CYB5R3: variants seen among roughly 807,000 people sequenced by gnomAD.
The protein encoded by CYB5R3 is NADH-cytochrome b5 reductase 3.
In CYB5R3, 28 loss-of-function variants were observed where a neutral mutation model predicts 36.5. The observed-to-expected ratio is 0.77, with a 90% CI of 0.57 to 1.05. The LOEUF is 1.05. CYB5R3 is among the 50% of genes least tolerant of loss of function. The pLI is 0.00. For synonymous variants in CYB5R3, 181 were observed against 159.8 expected (o/e 1.13, Z -1.00); for missense variants, 474 against 408.9 (o/e 1.16, Z -1.37).
intron 3 of CYB5R3, 85 bp downstream of exon 3, chr22:42,631,293 T>A: frequency 7.3e-7 from 1 of 1,362,134 alleles, no homozygotes. Flanking sequence ...CTCTCCCTGG[T>A]GGAAATGTAA....
intron 1 of CYB5R3, among the ~76,000 whole-genome samples, chr22:42,646,423 T>C (rs1929540605): frequency 6.6e-6 from 1 of 152,108 alleles, no homozygotes. Flanking sequence ...GCACCATAGC[T>C]GAGGGGCTGC....
intron 1 of CYB5R3, among the ~76,000 whole-genome samples, chr22:42,641,738 G>A (rs981126237): frequency 6.6e-6 from 1 of 152,008 alleles, no homozygotes; most frequent in Non-Finnish European, 1.5e-5. Flanking sequence ...TGCCTGCCTT[G>A]GCCTCCCAAA....
intron 1 of CYB5R3, among the ~76,000 whole-genome samples, chr22:42,643,433 C>A (rs1420117873): frequency 6.7e-6 from 1 of 150,250 alleles, no homozygotes; most frequent in Non-Finnish European, 1.5e-5. Context: ...TCACACCAGG[C>A]CTGGCCCCCG....
chr22:42,639,652 C>T (rs1270385867), intron 1 of CYB5R3, among the ~76,000 whole-genome samples: 1 of 151,490 alleles, frequency 6.6e-6, no homozygotes, highest in Admixed American at 6.6e-5. Flanking sequence ...TTGAATAAGG[C>T]TTGTGGATTA....
intron 4 of CYB5R3, among the ~76,000 whole-genome samples, chr22:42,629,623 C>T (rs904106818): frequency 1.3e-5 from 2 of 152,194 alleles, no homozygotes; most frequent in Non-Finnish European, 2.9e-5. Flanking sequence ...CCAGTGCCTG[C>T]CCCCAGACCT....
intron 4 of CYB5R3, among the ~76,000 whole-genome samples, chr22:42,628,512 C>A (rs1378647348): frequency 6.6e-6 from 1 of 152,206 alleles, no homozygotes; most frequent in Non-Finnish European, 1.5e-5. Context: ...GGAAAGCAAA[C>A]CACCAGCCTC....
intron 4 of CYB5R3, among the ~76,000 whole-genome samples, chr22:42,628,584 G>A (rs1268027477): frequency 1.3e-5 from 2 of 152,114 alleles, no homozygotes; most frequent in East Asian, 1.9e-4. Context: ...TGTCTCTGGG[G>A]CCCCCTCCCA....
chr22:42,632,366 G>C (rs776519463), intron 2 of CYB5R3: 3 of 152,326 alleles, frequency 2.0e-5, no homozygotes, highest in Non-Finnish European at 1.5e-5. Flanking sequence ...ATCACTTAGA[G>C]GGGGACAACA....
chr22:42,636,739 G>T lies in CYB5R3; in HGVS notation c.129C>A (p.Tyr43Ter). 6.2e-7 allele frequency: 1 copy of T among 1,613,258 alleles called. No homozygotes were observed. The highest frequency in any genetic ancestry group is 8.5e-7 in the Non-Finnish European group (1 of 1,179,966). The change falls in exon 2 of 9, where the codon TAC (tyrosine) becomes TAA (stop). Residue 43 changes from tyrosine to a stop codon, truncating the protein, a stop_gained. Coordinates refer to ENST00000352397, the MANE Select transcript of CYB5R3 (RefSeq NM_000398.7). LOFTEE classifies it high-confidence loss of function. The part of the protein sequence containing the change: ...AITLESPDIK[Y>*]PLRLIDREII... The stretch of plus-strand genomic sequence containing the variant: ...CCTCCCGGTCGATGAGCCGCAGCGG[G>T]TACTTGATGTCCGGGCTCTCGAGGG...
intron 2 of CYB5R3, among the ~76,000 whole-genome samples, chr22:42,635,846 C>T (rs773570851): frequency 2.0e-5 from 3 of 152,134 alleles, no homozygotes; most frequent in Admixed American, 2.0e-4. Flanking sequence ...GGCAAGTGAC[C>T]GATGGAAGCA....
intron 4 of CYB5R3, 110 bp from the exon 5 acceptor site, chr22:42,628,391 C>T: frequency 7.1e-7 from 1 of 1,400,798 alleles, no homozygotes; most frequent in Admixed American, 1.7e-5. Context: ...GAGGCCCACA[C>T]ATGGCCTTCT....
rs1013871393 is a variant in CYB5R3 at position 42,649,323 on chromosome 22, C to T, written c.-8G>A. The T allele has an allele frequency of 2.0e-6, 2 of 1,016,436 alleles. No individual in the cohort carries two copies. The highest frequency in any genetic ancestry group is 3.5e-5 in the African/African-American group (2 of 57,478). 63.0% of individuals were successfully genotyped at this position (1,016,436 alleles called of 1,614,324 possible). On this transcript the variant is annotated 5_prime_UTR_variant, in exon 1 of 9. Transcript: ENST00000352397. ...GCTGAGCTGGGCCCCCATGGTGGCC[C>T]CGCGCCGCGCTCGCTCTGTCGCCGC...
intron 3 of CYB5R3, 179 bp from the exon 4 acceptor site, chr22:42,631,167 T>A: frequency 1.3e-6 from 1 of 751,364 alleles, no homozygotes. Context: ...CCTGCCTCCA[T>A]GCCTTCACTC....
At position 42,628,232 on chromosome 22, in the gene CYB5R3, G is replaced by C; in HGVS notation, c.383C>G (p.Ser128Cys). The change falls in exon 5 of 9, where the codon TCT (serine) becomes TGT (cysteine). Residue 128 changes from serine to cysteine, a missense_variant. Physicochemically the swap from Ser to Cys is moderately radical, Grantham distance 112 (BLOSUM62 -1). Transcript: ENST00000352397. ...AATCTGCATGCTCTCCAGGTACTGA[G>C]ACATCTTCCCTCCAGCGGGAAACTT... ...HPKFPAGGKMSQYLESMQIGD... is the reference protein window; with the variant it reads ...HPKFPAGGKMCQYLESMQIGD... The C allele has an allele frequency of 6.2e-7, 1 of 1,614,118 alleles. No individual in the cohort carries two copies.
Position 42,649,379 on chromosome 22 carries a change from GC to G in CYB5R3, c.-65del. 1.7e-6 allele frequency: 1 copy of G among 585,042 alleles called. No individual in the cohort carries two copies. The highest frequency in any genetic ancestry group is 2.2e-6 in the Non-Finnish European group (1 of 460,462). The allele number at this position is 585,042 out of a possible 1,614,324, so 36.2% of individuals were successfully genotyped here. ...CCGCCGCCGAGACCGTCGCGCCCGG[GC>G]CCGCGTCACTCCGGAGCAGGGGCGG... On this transcript the variant is annotated 5_prime_UTR_variant, in exon 1 of 9. Transcript: ENST00000352397.
At chr22:42,630,025 C>A (rs578024261) in intron 4 of CYB5R3, among the ~76,000 whole-genome samples, 1 of 152,304 alleles carries the variant, frequency 6.6e-6, no homozygotes, top group South Asian at 2.1e-4. Flanking sequence ...GTCTCTAACT[C>A]CTGACCTCAG....
At chr22:42,636,656 G>T in intron 2 of CYB5R3, 59 bp downstream of exon 2, 3 of 1,595,472 alleles carry the variant, frequency 1.9e-6, no homozygotes, top group Non-Finnish European at 2.6e-6. Context: ...CCTGAGCACA[G>T]AGTAGGTGCT....
At chr22:42,636,974 T>A in intron 1 of CYB5R3, 128 bp from the exon 2 acceptor site, 2 of 1,321,342 alleles carry the variant, frequency 1.5e-6, no homozygotes, top group Non-Finnish European at 2.1e-6. Flanking sequence ...CCCACCACCC[T>A]CATCCAGAAA....
At chr22:42,647,853 A>G (rs1439249671) in intron 1 of CYB5R3, among the ~76,000 whole-genome samples, 2 of 152,122 alleles carry the variant, frequency 1.3e-5, no homozygotes, top group Non-Finnish European at 2.9e-5. Flanking sequence ...TCTGGGTGAG[A>G]GACTCTTCTC....
Sources: allele counts gnomAD v4.1 joint callset (sites outside exome capture counted in the v4.1 genomes callset), GRCh38; gene constraint gnomAD v4.1.1; transcripts MANE v1.5; gene names NCBI Gene and HGNC (gene_info 2026-07-23, HGNC 2026-07-21).